INPP4B: variants seen among roughly 807,000 people sequenced by gnomAD.
INPP4B encodes the protein inositol polyphosphate 4-phosphatase type II.
Under a neutral mutation model 122.5 loss-of-function variants are expected in INPP4B, and 55 were observed. The observed-to-expected ratio is 0.45, with a 90% CI of 0.36 to 0.56. INPP4B has a LOEUF of 0.56. Among genes scored for constraint, INPP4B ranks in the 20% least tolerant of loss-of-function variants. The probability of loss-of-function intolerance (pLI) is 0.00; values close to 1 mark genes in which losing one functional copy is unlikely to be tolerated. For missense variants in INPP4B, 1,000 were observed against 1,097.7 expected (o/e 0.91, Z 1.26); for synonymous variants, 403 against 388.7 (o/e 1.04, Z -0.43).
At chr4:142,042,506 T>TTATGTGTG (rs1553955749) in intron 25 of INPP4B, among the ~76,000 whole-genome samples, 3 of 132,940 alleles carry the variant, frequency 2.3e-5, no homozygotes, top group Admixed American at 2.2e-4. Flanking sequence ...CACTGCCAAT[T>TTATGTGTG]TATGTGTGTG....
At chr4:142,415,824 TA>T (rs1392217504) in intron 5 of INPP4B, among the ~76,000 whole-genome samples, 3 of 152,046 alleles carry the variant, frequency 2.0e-5, no homozygotes, top group Non-Finnish European at 4.4e-5. Context: ...TATGCAGCCA[TA>T]AAAAATGATG....
At chr4:142,199,224 AGAT>A (rs1239061114) in intron 14 of INPP4B, among the ~76,000 whole-genome samples, 1 of 152,036 alleles carries the variant, frequency 6.6e-6, no homozygotes, top group East Asian at 1.9e-4. Context: ...ATAAATATTT[AGAT>A]GCTCAATTCG....
At chr4:142,168,123 A>C (rs1382682415) in intron 16 of INPP4B, among the ~76,000 whole-genome samples, 1 of 151,234 alleles carries the variant, frequency 6.6e-6, no homozygotes, top group Non-Finnish European at 1.5e-5. Context: ...ACAATGTTCT[A>C]TCTCTGTTTT....
rs143673992 is a variant in INPP4B at position 142,349,018 on chromosome 4, G to A, written c.373-34256C>T. Among the ~76,000 whole-genome samples, 298 of 152,146 alleles carry A rather than the reference G, an allele frequency of 2.0e-3. 1 individual carries two copies. Among genetic ancestry groups the A allele is most frequent in the African/African-American group, 6.8e-3 (282 of 41,532 alleles). ...CAGTATTTTTACACTCCTTTGGAAAGAGAGATTTCTTATTTCTCTTCCAAA... is the reference window on the plus strand; with the variant it reads ...CAGTATTTTTACACTCCTTTGGAAAAAGAGATTTCTTATTTCTCTTCCAAA... On this transcript the variant is annotated intron_variant, in intron 7 of 25. Coordinates refer to ENST00000262992, the MANE Select transcript of INPP4B (RefSeq NM_001101669.3).
chr4:142,481,854 T>C (rs1820589088), intron 2 of INPP4B, among the ~76,000 whole-genome samples: 1 of 152,300 alleles, frequency 6.6e-6, no homozygotes, highest in African/African-American at 2.4e-5. Context: ...CACCGAAATG[T>C]ACCTAGTGTT....
chr4:142,134,337 C>T (rs1317922912), intron 18 of INPP4B, among the ~76,000 whole-genome samples: 1 of 152,072 alleles, frequency 6.6e-6, no homozygotes, highest in Non-Finnish European at 1.5e-5. Flanking sequence ...GTGGACTTGC[C>T]AAGATCCTGG....
At chr4:142,820,217 A>G (rs1780631960) in intron 1 of INPP4B, among the ~76,000 whole-genome samples, 1 of 152,142 alleles carries the variant, frequency 6.6e-6, no homozygotes, top group Admixed American at 6.5e-5. Flanking sequence ...AATGTTAGAG[A>G]TGGGACCTGA....
intron 7 of INPP4B, among the ~76,000 whole-genome samples, chr4:142,337,256 G>C (rs1346216251): frequency 2.0e-5 from 3 of 151,960 alleles, no homozygotes; most frequent in Non-Finnish European, 4.4e-5. Flanking sequence ...ATTAGCTGCA[G>C]TGAACTGCTG....
chr4:142,153,539 T>A (rs984043863), intron 17 of INPP4B, among the ~76,000 whole-genome samples: 1 of 152,208 alleles, frequency 6.6e-6, no homozygotes, highest in East Asian at 1.9e-4. Context: ...CCAGGCATTA[T>A]AAATGTCTAG....
chr4:142,808,125 C>T (rs561055007), intron 1 of INPP4B, among the ~76,000 whole-genome samples: 20 of 151,908 alleles, frequency 1.3e-4, no homozygotes, highest in South Asian at 4.2e-4. Context: ...CACACACACA[C>T]GAAAAGAAAC....
intron 2 of INPP4B, among the ~76,000 whole-genome samples, chr4:142,647,899 T>G (rs996454080): frequency 6.6e-6 from 1 of 152,248 alleles, no homozygotes; most frequent in Non-Finnish European, 1.5e-5. Context: ...ACCGTTGTTT[T>G]CCACCGTTTG....
chr4:142,695,522 C>A (rs543870513), intron 2 of INPP4B, among the ~76,000 whole-genome samples: 1 of 152,224 alleles, frequency 6.6e-6, no homozygotes, highest in Admixed American at 6.5e-5. Flanking sequence ...TGTAATGCAG[C>A]TGTCACTTCC....
chr4:142,276,012 A>G (rs1351643984), intron 9 of INPP4B, among the ~76,000 whole-genome samples: 1 of 151,700 alleles, frequency 6.6e-6, no homozygotes, highest in African/African-American at 2.4e-5. Flanking sequence ...CATTAGTAGC[A>G]CATCATTCTC....
At chr4:142,084,372 GC>G (rs1775684457) in intron 24 of INPP4B, among the ~76,000 whole-genome samples, 2 of 152,120 alleles carry the variant, frequency 1.3e-5, no homozygotes, top group South Asian at 2.1e-4. Context: ...GCCCGCCTCG[GC>G]CCCCCAAAGT....
rs146036077 is a variant in INPP4B at position 142,589,432 on chromosome 4, A to G, written c.-190-126706T>C. On this transcript the variant is annotated intron_variant, in intron 2 of 25. Transcript: ENST00000262992. The stretch of plus-strand genomic sequence containing the variant: ...CCAAAATATACAGACAACTCTTAAA[A>G]GTCAAGAGTAAGAAATTTTTAAAAA... Among the ~76,000 whole-genome samples the G allele has an allele frequency of 2.2e-3, 342 of 152,186 alleles. 1 individual carries two copies. The highest frequency in any genetic ancestry group is 3.4e-3 in the Middle Eastern group (1 of 294).
intron 15 of INPP4B, among the ~76,000 whole-genome samples, chr4:142,190,997 A>G (rs2149332849): frequency 6.6e-6 from 1 of 151,642 alleles, no homozygotes; most frequent in South Asian, 2.1e-4. Context: ...TGGGTTATAC[A>G]CTTTAAAATT....
chr4:142,572,038 A>G (rs898672455), intron 2 of INPP4B, among the ~76,000 whole-genome samples: 1 of 152,132 alleles, frequency 6.6e-6, no homozygotes, highest in Non-Finnish European at 1.5e-5. Flanking sequence ...GCTGCTCCAT[A>G]GACAGCCAAT....
At chr4:142,696,152 A>T (rs1309841492) in intron 2 of INPP4B, among the ~76,000 whole-genome samples, 1 of 152,118 alleles carries the variant, frequency 6.6e-6, no homozygotes. Context: ...GAAGTCAAAT[A>T]ATGACACCAG....
At chr4:142,255,650 C>T (rs973822495) in intron 11 of INPP4B, among the ~76,000 whole-genome samples, 3 of 152,132 alleles carry the variant, frequency 2.0e-5, no homozygotes, top group African/African-American at 7.2e-5. Context: ...TCAAGAAGAG[C>T]TAACTATCCT....
Sources: allele counts gnomAD v4.1 joint callset (sites outside exome capture counted in the v4.1 genomes callset), GRCh38; gene constraint gnomAD v4.1.1; transcripts MANE v1.5; gene names NCBI Gene and HGNC (gene_info 2026-07-23, HGNC 2026-07-21).